RGS6: variants seen among roughly 807,000 people sequenced by gnomAD.
The protein encoded by RGS6 is regulator of G protein signaling 6.
RGS6 carries 30 observed loss-of-function variants against 78.5 expected under a neutral mutation model. The observed-to-expected ratio is 0.38, with a 90% CI of 0.29 to 0.52. The LOEUF (loss-of-function observed/expected upper bound fraction) is 0.52. RGS6 is among the 20% of genes least tolerant of loss of function. The probability of loss-of-function intolerance (pLI) is 0.85; values close to 1 mark genes in which losing one functional copy is unlikely to be tolerated. For synonymous variants in RGS6, 206 were observed against 206.0 expected (o/e 1.00, Z 0.00); for missense variants, 495 against 609.7 (o/e 0.81, Z 1.98).
At chr14:72,484,719 T>C (rs939137882) in intron 12 of RGS6, among the ~76,000 whole-genome samples, 3 of 152,188 alleles carry the variant, frequency 2.0e-5, no homozygotes, top group African/African-American at 7.2e-5. Context: ...TAGACCCTAA[T>C]TAGCAATCTA....
intron 2 of RGS6, among the ~76,000 whole-genome samples, chr14:72,292,246 T>G (rs1345868027): frequency 6.6e-6 from 1 of 152,200 alleles, no homozygotes; most frequent in Non-Finnish European, 1.5e-5. Flanking sequence ...TATGGTCAAC[T>G]CCAGCTGTCG....
At chr14:72,463,890 T>C (rs2095841543) in intron 6 of RGS6, among the ~76,000 whole-genome samples, 1 of 152,190 alleles carries the variant, frequency 6.6e-6, no homozygotes, top group Non-Finnish European at 1.5e-5. Context: ...GCTTGGTTCA[T>C]TGGAAAAGTT....
chr14:72,409,733 T>G (rs937437494), intron 3 of RGS6, among the ~76,000 whole-genome samples: 3 of 151,814 alleles, frequency 2.0e-5, no homozygotes, highest in Non-Finnish European at 4.4e-5. Context: ...CCCACAACAG[T>G]CCTCGGTGTG....
chr14:72,615,947 C>T, the RGS6 span, among the ~76,000 whole-genome samples: 1 of 152,224 alleles, frequency 6.6e-6, no homozygotes, highest in Non-Finnish European at 1.5e-5. Flanking sequence ...AGCCACAGTA[C>T]AGAGGGGTGA....
chr14:72,614,596 C>T, the RGS6 span, among the ~76,000 whole-genome samples: 1 of 152,024 alleles, frequency 6.6e-6, no homozygotes, highest in Admixed American at 6.5e-5. Flanking sequence ...CCCTCACTGC[C>T]TTCTCTCCCC....
At chr14:72,366,801 G>T (rs1331372808) in intron 3 of RGS6, among the ~76,000 whole-genome samples, 2 of 152,184 alleles carry the variant, frequency 1.3e-5, no homozygotes, top group African/African-American at 4.8e-5. Flanking sequence ...TGCCCTGCAG[G>T]TGATAGACAT....
intron 3 of RGS6, among the ~76,000 whole-genome samples, chr14:72,429,906 A>T (rs2094560369): frequency 6.6e-6 from 1 of 152,172 alleles, no homozygotes. Context: ...TGATGGTTTT[A>T]CAAAGGGCTC....
chr14:71,934,935 A>G (rs1353643804), intron 1 of RGS6, among the ~76,000 whole-genome samples: 3 of 152,176 alleles, frequency 2.0e-5, no homozygotes, highest in Non-Finnish European at 4.4e-5. Context: ...TCACATAAAC[A>G]TTTTTCAAAA....
intron 2 of RGS6, among the ~76,000 whole-genome samples, chr14:72,219,864 A>G (rs2046447176): frequency 1.3e-5 from 2 of 152,110 alleles, no homozygotes; most frequent in South Asian, 4.1e-4. Context: ...TTCTAGTGTT[A>G]GGCAGGGGTC....
At chr14:72,385,888 T>A (rs2087802103) in intron 3 of RGS6, among the ~76,000 whole-genome samples, 1 of 152,206 alleles carries the variant, frequency 6.6e-6, no homozygotes, top group Non-Finnish European at 1.5e-5. Context: ...ACACTTTTAG[T>A]CATGAACGAG....
chr14:72,495,630 GTC>G (rs1361423430), intron 13 of RGS6, among the ~76,000 whole-genome samples: 1 of 152,138 alleles, frequency 6.6e-6, no homozygotes, highest in East Asian at 1.9e-4. Context: ...TGCAGTAAGT[GTC>G]TCTCACTGAA....
chr14:72,343,154 T>G (rs1020706763), intron 2 of RGS6, among the ~76,000 whole-genome samples: 4 of 152,250 alleles, frequency 2.6e-5, no homozygotes, highest in African/African-American at 9.6e-5. Context: ...ATAAATCCAT[T>G]CATTATCTTA....
intron 2 of RGS6, among the ~76,000 whole-genome samples, chr14:72,167,925 G>C (rs2153675293): frequency 6.6e-6 from 1 of 152,226 alleles, no homozygotes; most frequent in South Asian, 2.1e-4. Flanking sequence ...AGAAGTCCTT[G>C]CTGTGCCTGG....
the RGS6 span, among the ~76,000 whole-genome samples, chr14:71,894,992 G>A: frequency 6.6e-6 from 1 of 151,910 alleles, no homozygotes; most frequent in East Asian, 1.9e-4. Flanking sequence ...TTGAACTCCC[G>A]ACCTCAGGTG....
intron 2 of RGS6, among the ~76,000 whole-genome samples, chr14:72,031,346 G>A (rs577953179): frequency 6.6e-6 from 1 of 152,194 alleles, no homozygotes; most frequent in Admixed American, 6.6e-5. Flanking sequence ...GGACTGTTAG[G>A]CTTTTTTCTG....
At chr14:71,867,972 T>C in the RGS6 span, among the ~76,000 whole-genome samples, 5 of 151,964 alleles carry the variant, frequency 3.3e-5, no homozygotes, top group African/African-American at 9.7e-5. Context: ...TGAAAGTGAG[T>C]CTCACATCCA....
chr14:72,048,121 C>T (rs1017076897), intron 2 of RGS6, among the ~76,000 whole-genome samples: 2 of 152,010 alleles, frequency 1.3e-5, no homozygotes, highest in African/African-American at 2.4e-5. Context: ...CGGATTCAGA[C>T]GTTTCCTATG....
At chr14:72,624,668 A>T in the RGS6 span, among the ~76,000 whole-genome samples, 2 of 152,162 alleles carry the variant, frequency 1.3e-5, no homozygotes, top group African/African-American at 4.8e-5. Context: ...CCAGGGATCC[A>T]ATCCAAGATC....
chr14:72,461,725 T>G (rs1289561686), intron 6 of RGS6, among the ~76,000 whole-genome samples: 1 of 152,124 alleles, frequency 6.6e-6, no homozygotes, highest in Non-Finnish European at 1.5e-5. Context: ...CCCCAGGGTT[T>G]CCAAAGCAGT....
Sources: allele counts gnomAD v4.1 joint callset (sites outside exome capture counted in the v4.1 genomes callset), GRCh38; gene constraint gnomAD v4.1.1; transcripts MANE v1.5; gene names NCBI Gene and HGNC (gene_info 2026-07-23, HGNC 2026-07-21).